The following HYCC1 variants were observed in gnomAD, a reference collection of about 807,000 sequenced individuals.
The protein encoded by HYCC1 is hyccin PI4KA lipid kinase complex subunit 1, also known as hyccin.
chr7:22,945,238 C>A, the HYCC1 span: 1 of 311,846 alleles, frequency 3.2e-6, no homozygotes. Flanking sequence ...CCAAACCAAA[C>A]CAAAACAAGA....
chr7:22,968,731 G>A, the HYCC1 span, among the ~76,000 whole-genome samples: 2 of 152,154 alleles, frequency 1.3e-5, no homozygotes, highest in South Asian at 2.1e-4. Context: ...GCTCACACCT[G>A]TAATCTCAGC....
chr7:22,929,375 A>G, the HYCC1 span, among the ~76,000 whole-genome samples: 1 of 152,252 alleles, frequency 6.6e-6, no homozygotes, highest in South Asian at 2.1e-4. Flanking sequence ...TCTGCACAGC[A>G]AAAGAAACCA....
At chr7:22,906,792 T>C in the HYCC1 span, among the ~76,000 whole-genome samples, 1 of 151,980 alleles carries the variant, frequency 6.6e-6, no homozygotes. Flanking sequence ...CTTAAAGACA[T>C]CAAATTACCA....
chr7:22,971,580 G>C, the HYCC1 span, among the ~76,000 whole-genome samples: 1 of 151,070 alleles, frequency 6.6e-6, no homozygotes, highest in Non-Finnish European at 1.5e-5. Flanking sequence ...GGACGCTGAG[G>C]CACAAGAATT....
chr7:22,962,938 C>CA, the HYCC1 span, among the ~76,000 whole-genome samples: 1 of 152,176 alleles, frequency 6.6e-6, no homozygotes, highest in South Asian at 2.1e-4. Context: ...AAAAACCCTC[C>CA]AGCAATCCAG....
the HYCC1 span, among the ~76,000 whole-genome samples, chr7:23,009,343 C>A: frequency 6.6e-6 from 1 of 152,064 alleles, no homozygotes; most frequent in Admixed American, 6.5e-5. Context: ...CAATATCATG[C>A]TAACATTGAT....
the HYCC1 span, among the ~76,000 whole-genome samples, chr7:22,923,040 A>G: frequency 6.6e-6 from 1 of 152,186 alleles, no homozygotes; most frequent in African/African-American, 2.4e-5. Context: ...CCAAAGACTT[A>G]AAGAGCACTA....
the HYCC1 span, among the ~76,000 whole-genome samples, chr7:22,975,097 T>C: frequency 6.6e-6 from 1 of 152,160 alleles, no homozygotes; most frequent in Non-Finnish European, 1.5e-5. Context: ...TCAGGATAAG[T>C]TGCATTTTCT....
At chr7:22,962,489 A>G in the HYCC1 span, among the ~76,000 whole-genome samples, 1 of 152,134 alleles carries the variant, frequency 6.6e-6, no homozygotes, top group African/African-American at 2.4e-5. Flanking sequence ...TATCACACAG[A>G]ACAAAAATTT....
At chr7:22,947,608 G>C in the HYCC1 span, among the ~76,000 whole-genome samples, 2 of 152,022 alleles carry the variant, frequency 1.3e-5, no homozygotes, top group African/African-American at 2.4e-5. Context: ...GTGTTTTTAA[G>C]ATAATATGGT....
the HYCC1 span, chr7:22,985,538 T>C: frequency 6.6e-6 from 1 of 151,996 alleles, no homozygotes; most frequent in Non-Finnish European, 1.5e-5. Context: ...AATAAGAGAG[T>C]TTTATTTACC....
chr7:22,947,017 C>T, the HYCC1 span: 4 of 1,549,926 alleles, frequency 2.6e-6, no homozygotes, highest in South Asian at 4.8e-5. Flanking sequence ...ATTCCATCCT[C>T]CATCATTTTT....
the HYCC1 span, among the ~76,000 whole-genome samples, chr7:22,906,338 G>A: frequency 6.6e-6 from 1 of 152,088 alleles, no homozygotes; most frequent in Non-Finnish European, 1.5e-5. Context: ...AGCACTTTGG[G>A]AGACCAAGGC....
the HYCC1 span, among the ~76,000 whole-genome samples, chr7:22,924,041 C>T: frequency 6.8e-6 from 1 of 147,922 alleles, no homozygotes; most frequent in East Asian, 2.0e-4. Context: ...TTAGCCAGTG[C>T]GGTGGTGCAC....
At chr7:22,964,396 C>T in the HYCC1 span, 13 of 1,291,932 alleles carry the variant, frequency 1.0e-5, no homozygotes, top group Admixed American at 5.0e-5. Flanking sequence ...GTTTATTTCG[C>T]ATATGATGAG....
At chr7:22,898,342 T>G in the HYCC1 span, among the ~76,000 whole-genome samples, 23 of 151,576 alleles carry the variant, frequency 1.5e-4, no homozygotes, top group Non-Finnish European at 2.8e-4. Flanking sequence ...GCCTCCTGAG[T>G]AGCTAGGATT....
At chr7:22,998,472 A>T in the HYCC1 span, among the ~76,000 whole-genome samples, 1 of 152,162 alleles carries the variant, frequency 6.6e-6, no homozygotes, top group Non-Finnish European at 1.5e-5. Flanking sequence ...AACATTTTTT[A>T]AAATTTTTTT....
At chr7:22,996,259 C>T in the HYCC1 span, among the ~76,000 whole-genome samples, 1 of 148,534 alleles carries the variant, frequency 6.7e-6, no homozygotes, top group Non-Finnish European at 1.5e-5. Context: ...GACCACTGCA[C>T]TCCAGCCTGG....
At chr7:22,936,772 G>A in the HYCC1 span, 1 of 152,146 alleles carries the variant, frequency 6.6e-6, no homozygotes, top group Admixed American at 6.6e-5. Flanking sequence ...CTGTCCTCCA[G>A]AACCATCTTT....
Sources: allele counts gnomAD v4.1 joint callset (sites outside exome capture counted in the v4.1 genomes callset), GRCh38; gene constraint gnomAD v4.1.1; transcripts MANE v1.5; gene names NCBI Gene and HGNC (gene_info 2026-07-23, HGNC 2026-07-21).